The following CHD1 variants were observed in gnomAD, a reference collection of about 807,000 sequenced individuals.
CHD1 encodes the protein ATP-dependent chromatin remodeler CHD1.
CHD1 carries 36 observed loss-of-function variants against 224.2 expected under a neutral mutation model. The observed-to-expected ratio is 0.16, with a 90% CI of 0.12 to 0.21. The LOEUF is 0.21. Among genes scored for constraint, CHD1 ranks in the 10% least tolerant of loss-of-function variants. The pLI, the probability that CHD1 is intolerant of heterozygous loss-of-function variation, is 1.00. For missense variants in CHD1, 1,378 were observed against 1,994.8 expected, an observed-to-expected ratio of 0.69 and a Z score of 5.89; for synonymous variants, 668 against 658.3, an observed-to-expected ratio of 1.01 and a Z score of -0.23.
intron 15 of CHD1, 34 bp from the exon 16 acceptor site, chr5:98,889,272 C>T: frequency 1.4e-6 from 2 of 1,442,944 alleles, no homozygotes; most frequent in Non-Finnish European, 1.9e-6. Flanking sequence ...CGATGTTTAG[C>T]AGAACAATTA....
intron 15 of CHD1, chr5:98,889,863 C>T (rs1333204704): frequency 4.6e-5 from 7 of 151,816 alleles, no homozygotes. Flanking sequence ...ACTACACAGC[C>T]ACAGAAAAAA....
Position 98,875,082 on chromosome 5 carries a change from G to A in CHD1, c.3430C>T (p.Pro1144Ser). 1 of 1,498,382 alleles carries A rather than the reference G, an allele frequency of 6.7e-7. No homozygotes were observed. 92.8% of individuals were successfully genotyped at this position (1,498,382 alleles called of 1,614,324 possible). The change falls in exon 25 of 36, where the codon CCT (proline) becomes TCT (serine). Residue 1144 changes from proline to serine, a missense_variant. This residue lies in a region of CHD1 where 286 missense variants were observed against 445.1 expected (regional missense o/e 0.64). Coordinates refer to ENST00000614616, the MANE Select transcript of CHD1 (RefSeq NM_001270.4). ...FIKSYKKFGGPLERLDAIARD... is the reference protein window; with the variant it reads ...FIKSYKKFGGSLERLDAIARD... ...AATAAACGTATTTACCTTTCCAGAG[G>A]ACCACCAAATTTCTTATAGCTCTTG...
chr5:98,870,317 G>C (rs1749237696), intron 29 of CHD1, among the ~76,000 whole-genome samples: 1 of 151,966 alleles, frequency 6.6e-6, no homozygotes, highest in African/African-American at 2.4e-5. Context: ...TTTTCAGTAA[G>C]CTTGGCAACC....
intron 2 of CHD1, among the ~76,000 whole-genome samples, chr5:98,924,765 C>T (rs1054998449): frequency 5.3e-5 from 8 of 152,090 alleles, no homozygotes; most frequent in African/African-American, 1.9e-4. Flanking sequence ...CACTTGAGGC[C>T]AGGAGTTCGA....
At chr5:98,900,441 CTTT>C (rs766270530) in intron 7 of CHD1, among the ~76,000 whole-genome samples, 5 of 140,944 alleles carry the variant, frequency 3.5e-5, no homozygotes, top group Admixed American at 7.1e-5. Flanking sequence ...AATACTTTAC[CTTT>C]TTTTTTTTTT....
chr5:98,924,293 G>T (rs1317862671), intron 2 of CHD1, among the ~76,000 whole-genome samples: 3 of 152,062 alleles, frequency 2.0e-5, no homozygotes, highest in Non-Finnish European at 4.4e-5. Flanking sequence ...TGGACAATAT[G>T]ACTCTTCTAT....
intron 12 of CHD1, among the ~76,000 whole-genome samples, chr5:98,895,760 C>T (rs1423464944): frequency 6.7e-6 from 1 of 149,878 alleles, no homozygotes; most frequent in Non-Finnish European, 1.5e-5. Flanking sequence ...AAAAAAAAAC[C>T]CACCAAAAAA....
At chr5:98,915,833 C>CT (rs945344382) in intron 2 of CHD1, among the ~76,000 whole-genome samples, 1 of 152,106 alleles carries the variant, frequency 6.6e-6, no homozygotes, top group African/African-American at 2.4e-5. Flanking sequence ...ACTGTCAGTA[C>CT]TTTAATATAA....
chr5:98,888,660 G>A (rs1265804277), intron 16 of CHD1, among the ~76,000 whole-genome samples: 3 of 152,208 alleles, frequency 2.0e-5, no homozygotes, highest in African/African-American at 7.2e-5. Context: ...TACAGTGGCT[G>A]GATTGCAGCT....
intron 32 of CHD1, among the ~76,000 whole-genome samples, chr5:98,861,254 T>C (rs1748445703): frequency 6.6e-6 from 1 of 152,180 alleles, no homozygotes; most frequent in Non-Finnish European, 1.5e-5. Context: ...GAATAGTAAA[T>C]ATCTGTTCAC....
chr5:98,923,941 C>T (rs1445860527), intron 2 of CHD1, among the ~76,000 whole-genome samples: 1 of 152,070 alleles, frequency 6.6e-6, no homozygotes, highest in Non-Finnish European at 1.5e-5. Context: ...ACCTACTAAC[C>T]ATTCCATTCC....
intron 27 of CHD1, 64 bp downstream of exon 27, chr5:98,872,353 A>T: frequency 6.6e-7 from 1 of 1,520,758 alleles, no homozygotes; most frequent in Non-Finnish European, 9.0e-7. Flanking sequence ...ATAAAAATTC[A>T]GCACATTCAT....
intron 2 of CHD1, among the ~76,000 whole-genome samples, chr5:98,910,996 C>T (rs937303024): frequency 6.6e-6 from 1 of 151,112 alleles, no homozygotes; most frequent in East Asian, 1.9e-4. Context: ...TTTACAATCA[C>T]CTAGCACCTA....
At chr5:98,916,009 A>C (rs1359004531) in intron 2 of CHD1, among the ~76,000 whole-genome samples, 2 of 152,080 alleles carry the variant, frequency 1.3e-5, no homozygotes, top group Non-Finnish European at 2.9e-5. Flanking sequence ...TCCAATCAAC[A>C]TGGTGAAACC....
At position 98,899,373 on chromosome 5, in the gene CHD1, T is replaced by C. The variant is rs1224450582; in HGVS notation, c.1085+107A>G. The C allele has an allele frequency of 5.5e-6, 4 of 730,718 alleles. No individual in the cohort carries two copies. The East Asian group carries it at 1.1e-4, about 20-fold the overall frequency. 45.3% of individuals were successfully genotyped at this position (730,718 alleles called of 1,614,324 possible). On this transcript the variant is annotated intron_variant, in intron 8 of 35. Coordinates refer to ENST00000614616, the MANE Select transcript of CHD1 (RefSeq NM_001270.4). ...ACAGCCAACTGTATTATAAAGTCTA[T>C]AGCTATTTTAGGCTATCATTTAATG...
intron 2 of CHD1, among the ~76,000 whole-genome samples, chr5:98,919,335 A>T (rs2112636674): frequency 6.6e-6 from 1 of 152,364 alleles, no homozygotes; most frequent in Middle Eastern, 3.4e-3. Flanking sequence ...TGATGATCAC[A>T]GGATGGAATG....
chr5:98,870,725 T>C lies in CHD1; in HGVS notation c.3940A>G (p.Ser1314Gly), dbSNP rs1213355343. 2 of 1,611,472 alleles carry C rather than the reference T, an allele frequency of 1.2e-6. No homozygotes were observed. Among genetic ancestry groups the C allele is most frequent in the Admixed American group, 3.3e-5 (2 of 59,762 alleles). The change falls in exon 29 of 36, where the codon AGT becomes GGT. Residue 1314 changes from serine to glycine, a missense_variant. Coordinates refer to ENST00000614616, the MANE Select transcript of CHD1 (RefSeq NM_001270.4). ...TRADYLIKLL[S>G]RDLAKKEALS... ...GCTTCTTTTTTTGCAAGATCTCTAC[T>C]AAGTAATTTGATGAGGTAGTCTGCA...
At chr5:98,926,849 G>A (rs1753491357) in intron 1 of CHD1, among the ~76,000 whole-genome samples, 2 of 139,590 alleles carry the variant, frequency 1.4e-5, no homozygotes, top group African/African-American at 5.3e-5. Context: ...GTGATACGAT[G>A]TAACATATGC....
intron 30 of CHD1, chr5:98,869,048 G>T: frequency 1.1e-6 from 1 of 878,334 alleles, no homozygotes; most frequent in Non-Finnish European, 1.4e-6. Flanking sequence ...TTTCTGTATA[G>T]CTTCTTTTAC....
Sources: allele counts gnomAD v4.1 joint callset (sites outside exome capture counted in the v4.1 genomes callset), GRCh38; gene constraint gnomAD v4.1.1; regional missense constraint gnomAD v4.1.1; transcripts MANE v1.5; gene names NCBI Gene and HGNC (gene_info 2026-07-23, HGNC 2026-07-21).